The following CHRM5 variants were observed in gnomAD, a reference collection of about 807,000 sequenced individuals.
CHRM5 encodes cholinergic receptor muscarinic 5, also known as muscarinic acetylcholine receptor M5.
A neutral mutation model predicts 39.0 loss-of-function variants in CHRM5; 18 were observed. The observed-to-expected ratio is 0.46, with a 90% confidence interval of 0.32 to 0.68. The LOEUF (loss-of-function observed/expected upper bound fraction) is 0.68. Ranked by LOEUF, CHRM5 falls within the 30% of genes least tolerant of loss-of-function variation. The pLI is 0.04. For missense variants in CHRM5, 515 were observed against 651.1 expected (o/e 0.79, Z 2.28); for synonymous variants, 241 against 246.3 (o/e 0.98, Z 0.20).
intron 1 of CHRM5, among the ~76,000 whole-genome samples, chr15:33,984,698 A>G (rs6495426): frequency 0.45 from 67,665 of 151,624 alleles, 16,087 homozygotes; most frequent in African/African-American, 0.61. Context: ...CACTGCACCC[A>G]GCCTATTCAT....
In CHRM5 at chr15:33,979,602, G is replaced by A. The variant is rs974721545; in HGVS notation, c.-408+10452G>A. The stretch of plus-strand genomic sequence containing the variant: ...CCTTAAGTTAAACCTCAACCTTTAT[G>A]AGCCTCGGTTTCCTCCTTTAAAAAA... On this transcript the variant is annotated intron_variant, in intron 1 of 2. Transcript: ENST00000383263. 3.3e-5 allele frequency among the ~76,000 whole-genome samples: 5 copies of A among 152,160 alleles called. No individual in the cohort carries two copies. The East Asian group carries it at 5.8e-4, about 18-fold the overall frequency.
intron 1 of CHRM5, among the ~76,000 whole-genome samples, chr15:34,009,251 A>G (rs1897528411): frequency 6.6e-6 from 1 of 152,234 alleles, no homozygotes; most frequent in Non-Finnish European, 1.5e-5. Flanking sequence ...ACCTTACAAG[A>G]TACACTAACA....
chr15:34,019,486 G>C (rs1218715426), intron 1 of CHRM5, among the ~76,000 whole-genome samples: 1 of 152,174 alleles, frequency 6.6e-6, no homozygotes, highest in Non-Finnish European at 1.5e-5. Context: ...TGTTTATAAA[G>C]TCTATAGTAG....
chr15:34,045,706 AAAAAAAGGTGTTTCAG>A (rs1205663927), intron 1 of CHRM5, among the ~76,000 whole-genome samples: 2 of 145,266 alleles, frequency 1.4e-5, no homozygotes, highest in Non-Finnish European at 3.0e-5. Flanking sequence ...TCTCATAAAA[AAAAAAAGGTGTTTCAG>A]AAAACGAAGG....
At chr15:34,000,751 T>C (rs1243167293) in intron 1 of CHRM5, among the ~76,000 whole-genome samples, 2 of 152,162 alleles carry the variant, frequency 1.3e-5, no homozygotes, top group African/African-American at 4.8e-5. Flanking sequence ...CTCAGTCTTA[T>C]GCTATCCTGA....
At chr15:34,006,340 T>C (rs1897342181) in intron 1 of CHRM5, among the ~76,000 whole-genome samples, 1 of 149,840 alleles carries the variant, frequency 6.7e-6, no homozygotes, top group Non-Finnish European at 1.5e-5. Context: ...TTGTAACTGA[T>C]GAGAATTTGC....
chr15:34,038,899 GTCCGCCTCCGTCCCCGCCGCCGCC>G (rs1322312305), intron 1 of CHRM5: 1 of 1,122,202 alleles, frequency 8.9e-7, no homozygotes, highest in Non-Finnish European at 1.1e-6. Flanking sequence ...CGGCCCCGGC[GTCCGCCTCCGTCCCCGCCGCCGCC>G]TCCGCCGCCG....
chr15:33,982,165 C>A (rs965639258), intron 1 of CHRM5, among the ~76,000 whole-genome samples: 4 of 152,126 alleles, frequency 2.6e-5, no homozygotes, highest in African/African-American at 9.7e-5. Context: ...CCACACCCAG[C>A]ACTAAATAAG....
chr15:33,994,114 C>T (rs377289838), intron 1 of CHRM5, among the ~76,000 whole-genome samples: 3 of 152,196 alleles, frequency 2.0e-5, no homozygotes, highest in Non-Finnish European at 4.4e-5. Flanking sequence ...TGTTAGGAAC[C>T]GGGCTGCATA....
At chr15:33,994,382 G>A (rs1188951415) in intron 1 of CHRM5, among the ~76,000 whole-genome samples, 2 of 152,234 alleles carry the variant, frequency 1.3e-5, no homozygotes, top group African/African-American at 4.8e-5. Flanking sequence ...AACAAGCTTA[G>A]GACTCCCATT....
intron 1 of CHRM5, among the ~76,000 whole-genome samples, chr15:34,001,019 A>ATTTT (rs562045179): frequency 4.1e-4 from 56 of 136,760 alleles, no homozygotes; most frequent in African/African-American, 1.5e-3. Flanking sequence ...TTGGACTAGA[A>ATTTT]TTTTTTTTTT....
intron 1 of CHRM5, among the ~76,000 whole-genome samples, chr15:34,009,905 T>C (rs1198136702): frequency 6.6e-6 from 1 of 152,072 alleles, no homozygotes; most frequent in Admixed American, 6.6e-5. Context: ...GAAGTTACAG[T>C]GAGCTATGAT....
At chr15:34,004,895 A>AT (rs1458557411) in intron 1 of CHRM5, among the ~76,000 whole-genome samples, 2 of 152,160 alleles carry the variant, frequency 1.3e-5, no homozygotes, top group Non-Finnish European at 2.9e-5. Context: ...CCCAAACATT[A>AT]CAAAATCCTT....
chr15:33,984,414 T>C (rs1183297393), intron 1 of CHRM5, among the ~76,000 whole-genome samples: 1 of 152,044 alleles, frequency 6.6e-6, no homozygotes, highest in African/African-American at 2.4e-5. Flanking sequence ...AGGGTTTTTT[T>C]TTTTTGAGAC....
chr15:34,034,214 G>A (rs983658362), intron 1 of CHRM5, among the ~76,000 whole-genome samples: 1 of 152,136 alleles, frequency 6.6e-6, no homozygotes, highest in Non-Finnish European at 1.5e-5. Flanking sequence ...TGGCTGAGGC[G>A]GGAGGACTGC....
intron 1 of CHRM5, among the ~76,000 whole-genome samples, chr15:34,023,146 G>A (rs899103501): frequency 1.3e-5 from 2 of 151,856 alleles, no homozygotes; most frequent in Non-Finnish European, 1.5e-5. Flanking sequence ...GCGCCACTGC[G>A]CTCCAGCCTG....
intron 1 of CHRM5, among the ~76,000 whole-genome samples, chr15:34,041,820 G>C (rs1211432235): frequency 6.6e-6 from 1 of 152,086 alleles, no homozygotes; most frequent in Admixed American, 6.5e-5. Context: ...TAAATAATTT[G>C]CTCAAGCTAG....
intron 1 of CHRM5, among the ~76,000 whole-genome samples, chr15:34,002,007 T>C (rs959051868): frequency 6.6e-6 from 1 of 152,210 alleles, no homozygotes; most frequent in Non-Finnish European, 1.5e-5. Flanking sequence ...AGCGACGTAA[T>C]TGCAGATTCA....
intron 1 of CHRM5, chr15:34,002,899 C>T (rs954570212): frequency 2.3e-6 from 2 of 855,506 alleles, no homozygotes; most frequent in African/African-American, 1.7e-5. Context: ...GAAACACTGT[C>T]CTTTACTTGA....
Sources: allele counts gnomAD v4.1 joint callset (sites outside exome capture counted in the v4.1 genomes callset), GRCh38; gene constraint gnomAD v4.1.1; transcripts MANE v1.5; gene names NCBI Gene and HGNC (gene_info 2026-07-23, HGNC 2026-07-21).